Variants in CHN2 observed in about 807,000 individuals in gnomAD.
CHN2 encodes the protein chimerin 2, also known as beta-chimaerin.
A neutral mutation model predicts 56.3 loss-of-function variants in CHN2; 35 were observed. That is an observed-to-expected ratio of 0.62 (90% CI 0.47 to 0.82). CHN2 has a LOEUF of 0.82. CHN2 is among the 40% of genes least tolerant of loss of function. The probability of loss-of-function intolerance (pLI) is 0.00; values close to 1 mark genes in which losing one functional copy is unlikely to be tolerated. For synonymous variants in CHN2, 210 were observed against 212.8 expected (o/e 0.99, Z 0.12); for missense variants, 491 against 580.5 (o/e 0.85, Z 1.58).
At chr7:29,230,645 C>G (rs1213996445) in intron 1 of CHN2, among the ~76,000 whole-genome samples, 1 of 152,168 alleles carries the variant, frequency 6.6e-6, no homozygotes, top group Non-Finnish European at 1.5e-5. Flanking sequence ...CAGGCCTCCT[C>G]TTTCTTAAAA....
At chr7:29,164,982 G>A (rs1050469564) in intron 2 of CHN2, among the ~76,000 whole-genome samples, 21 of 151,986 alleles carry the variant, frequency 1.4e-4, no homozygotes, top group Non-Finnish European at 2.6e-4. Context: ...AAACTCAAGT[G>A]TATAGTGTGA....
At chr7:29,457,660 T>A (rs1784864551) in intron 6 of CHN2, among the ~76,000 whole-genome samples, 1 of 152,218 alleles carries the variant, frequency 6.6e-6, no homozygotes, top group Non-Finnish European at 1.5e-5. Context: ...ACTCTCTCCC[T>A]TTATTTAGCA....
intron 1 of CHN2, among the ~76,000 whole-genome samples, chr7:29,204,903 G>T (rs1324462634): frequency 6.6e-6 from 1 of 152,166 alleles, no homozygotes; most frequent in Admixed American, 6.5e-5. Flanking sequence ...ATTAGAAATA[G>T]AATCACAGCA....
intron 6 of CHN2, among the ~76,000 whole-genome samples, chr7:29,462,252 G>A (rs532601986): frequency 2.0e-5 from 3 of 152,278 alleles, no homozygotes; most frequent in Non-Finnish European, 4.4e-5. Context: ...TTTCACTTCA[G>A]GAGTGGAAAG....
At chr7:29,416,027 C>A (rs557033633) in intron 6 of CHN2, among the ~76,000 whole-genome samples, 1 of 152,240 alleles carries the variant, frequency 6.6e-6, no homozygotes, top group East Asian at 1.9e-4. Flanking sequence ...ACCCATTATT[C>A]CACGGGGTTG....
chr7:29,467,796 T>C (rs1426616064), intron 6 of CHN2, among the ~76,000 whole-genome samples: 1 of 152,196 alleles, frequency 6.6e-6, no homozygotes, highest in African/African-American at 2.4e-5. Context: ...ATGAGGGTAA[T>C]AATACCAGTG....
intron 7 of CHN2, among the ~76,000 whole-genome samples, chr7:29,481,485 G>T (rs1273998825): frequency 6.6e-6 from 1 of 152,150 alleles, no homozygotes; most frequent in Non-Finnish European, 1.5e-5. Context: ...AAAGCCAGCA[G>T]CTCAGGCATT....
chr7:29,260,374 G>A (rs752097631), intron 1 of CHN2, among the ~76,000 whole-genome samples: 28 of 152,134 alleles, frequency 1.8e-4, no homozygotes, highest in Non-Finnish European at 3.5e-4. Flanking sequence ...GTAAAGTAGC[G>A]TACATGTGAT....
At chr7:29,355,342 G>A (rs957973161) in intron 2 of CHN2, among the ~76,000 whole-genome samples, 1 of 152,022 alleles carries the variant, frequency 6.6e-6, no homozygotes, top group African/African-American at 2.4e-5. Context: ...TATGTTTTTG[G>A]CCAATCATTC....
chr7:29,326,159 T>C (rs1795787463), intron 1 of CHN2, among the ~76,000 whole-genome samples: 1 of 147,672 alleles, frequency 6.8e-6, no homozygotes, highest in African/African-American at 2.5e-5. Flanking sequence ...TTTGTTTGTT[T>C]TGTTGTTGTT....
At chr7:29,213,869 A>G (rs1372733236) in intron 1 of CHN2, among the ~76,000 whole-genome samples, 1 of 151,072 alleles carries the variant, frequency 6.6e-6, no homozygotes, top group Non-Finnish European at 1.5e-5. Context: ...TTCAATGAGT[A>G]AAAATACAGC....
chr7:29,267,309 C>T (rs1790233550), intron 1 of CHN2, among the ~76,000 whole-genome samples: 3 of 150,668 alleles, frequency 2.0e-5, no homozygotes, highest in Admixed American at 6.6e-5. Context: ...GTGGTGTGAT[C>T]TTGGCTCACT....
chr7:29,505,480 T>C (rs1790466309), intron 10 of CHN2, among the ~76,000 whole-genome samples: 1 of 152,206 alleles, frequency 6.6e-6, no homozygotes, highest in East Asian at 1.9e-4. Context: ...CCCTCTCTCT[T>C]CAGACTTCTC....
chr7:29,362,302 G>T (rs1798798051), intron 2 of CHN2, among the ~76,000 whole-genome samples: 1 of 152,176 alleles, frequency 6.6e-6, no homozygotes, highest in African/African-American at 2.4e-5. Flanking sequence ...TTCAAAGCTG[G>T]CAGGCAACCC....
chr7:29,196,975 T>C (rs1783784733), intron 1 of CHN2, among the ~76,000 whole-genome samples: 1 of 152,242 alleles, frequency 6.6e-6, no homozygotes, highest in African/African-American at 2.4e-5. Flanking sequence ...CCCATGAGTT[T>C]ATACTGCCTA....
chr7:29,480,893 G>T (rs1476992), intron 7 of CHN2, among the ~76,000 whole-genome samples: 5 of 150,086 alleles, frequency 3.3e-5, no homozygotes, highest in South Asian at 2.1e-4. Flanking sequence ...CGGCTAGCAG[G>T]GGGGGCACCC....
intron 6 of CHN2, among the ~76,000 whole-genome samples, chr7:29,411,958 C>T (rs1246953827): frequency 4.6e-5 from 7 of 152,220 alleles, no homozygotes; most frequent in African/African-American, 1.4e-4. Context: ...CCCACAAGAA[C>T]TGGAACCCAC....
At chr7:29,181,863 G>T (rs775740070) in intron 2 of CHN2, among the ~76,000 whole-genome samples, 12 of 151,972 alleles carry the variant, frequency 7.9e-5, no homozygotes, top group Non-Finnish European at 1.5e-4. Context: ...ATTCCTAAGG[G>T]GGGGAAAAGT....
chr7:29,462,819 G>C (rs906819294), intron 6 of CHN2, among the ~76,000 whole-genome samples: 2 of 151,816 alleles, frequency 1.3e-5, no homozygotes, highest in Non-Finnish European at 2.9e-5. Flanking sequence ...CAACGTGCAG[G>C]TTTGTTACAT....
Sources: allele counts gnomAD v4.1 joint callset (sites outside exome capture counted in the v4.1 genomes callset), GRCh38; gene constraint gnomAD v4.1.1; transcripts MANE v1.5; gene names NCBI Gene and HGNC (gene_info 2026-07-23, HGNC 2026-07-21).